The following UNC13C variants were observed in gnomAD, a reference collection of about 807,000 sequenced individuals.
UNC13C encodes unc-13 homolog C, also known as protein unc-13 homolog C.
Under a neutral mutation model 245.4 loss-of-function variants are expected in UNC13C, and 174 were observed. The observed-to-expected ratio is 0.71, with a 90% CI of 0.63 to 0.80. The LOEUF (loss-of-function observed/expected upper bound fraction) is 0.80. Among genes scored for constraint, UNC13C ranks in the 30% least tolerant of loss-of-function variants. The pLI, the probability that UNC13C is intolerant of heterozygous loss-of-function variation, is 0.00. For synonymous variants in UNC13C, 992 were observed against 895.1 expected (o/e 1.11, Z -1.93); for missense variants, 2,829 against 2,602.9 (o/e 1.09, Z -1.89).
intron 1 of UNC13C, among the ~76,000 whole-genome samples, chr15:54,006,637 G>T (rs1165626704): frequency 6.6e-6 from 1 of 152,060 alleles, no homozygotes; most frequent in Non-Finnish European, 1.5e-5. Flanking sequence ...TATAAAACAG[G>T]TATAAATCTT....
intron 20 of UNC13C, among the ~76,000 whole-genome samples, chr15:54,496,087 A>G (rs1192975010): frequency 6.6e-6 from 1 of 152,092 alleles, no homozygotes; most frequent in Non-Finnish European, 1.5e-5. Flanking sequence ...CATAAAAATG[A>G]TAAGTATGTG....
intron 2 of UNC13C, among the ~76,000 whole-genome samples, chr15:54,125,881 G>T (rs930097852): frequency 6.6e-6 from 1 of 152,070 alleles, no homozygotes; most frequent in South Asian, 2.1e-4. Flanking sequence ...TGTTTGTATG[G>T]TCTTTTTCCA....
chr15:54,318,493 TTA>T (rs1216885644), intron 13 of UNC13C, among the ~76,000 whole-genome samples: 39 of 151,932 alleles, frequency 2.6e-4, no homozygotes, highest in Admixed American at 2.6e-3. Flanking sequence ...TGAACTTTTT[TTA>T]TATATACCTT....
chr15:54,595,526 A>G (rs1001339783), intron 30 of UNC13C, among the ~76,000 whole-genome samples: 1 of 152,204 alleles, frequency 6.6e-6, no homozygotes, highest in Non-Finnish European at 1.5e-5. Context: ...TAAAATTCAC[A>G]GTGCAAGCCT....
downstream of UNC13C, chr15:54,631,892 T>C (rs1410991584): frequency 1.3e-5 from 2 of 152,236 alleles, no homozygotes; most frequent in South Asian, 2.1e-4. Flanking sequence ...AGTATATCTT[T>C]AACTTCATAA....
chr15:54,450,614 T>G (rs530629195), intron 19 of UNC13C, among the ~76,000 whole-genome samples: 112 of 152,316 alleles, frequency 7.4e-4, no homozygotes, highest in African/African-American at 2.5e-3. Flanking sequence ...GTTAAGACGA[T>G]TGGAAAAGCA....
At chr15:54,031,378 C>T (rs951940225) in intron 2 of UNC13C, among the ~76,000 whole-genome samples, 3 of 152,170 alleles carry the variant, frequency 2.0e-5, no homozygotes, top group Non-Finnish European at 2.9e-5. Context: ...CAGCCGCCAC[C>T]GCGCCTGGCT....
At chr15:53,979,830 A>G (rs1338491735) in intron 1 of UNC13C, among the ~76,000 whole-genome samples, 1 of 152,208 alleles carries the variant, frequency 6.6e-6, no homozygotes, top group Non-Finnish European at 1.5e-5. Flanking sequence ...GAAATTAATA[A>G]AAAACTTAAT....
chr15:54,274,319 A>T (rs2036771787), intron 10 of UNC13C, among the ~76,000 whole-genome samples: 1 of 152,242 alleles, frequency 6.6e-6, no homozygotes, highest in Admixed American at 6.5e-5. Flanking sequence ...GCAAGGAAGA[A>T]ATATCTAAAA....
At chr15:54,450,428 G>A (rs1311771437) in intron 19 of UNC13C, among the ~76,000 whole-genome samples, 3 of 152,360 alleles carry the variant, frequency 2.0e-5, no homozygotes, top group East Asian at 3.9e-4. Context: ...CCCAGTTCCA[G>A]CTTCCTGGCT....
At chr15:54,303,233 G>A (rs554726143) in intron 13 of UNC13C, among the ~76,000 whole-genome samples, 3 of 152,064 alleles carry the variant, frequency 2.0e-5, no homozygotes, top group Non-Finnish European at 4.4e-5. Context: ...TTTGACATCT[G>A]TTCCATCCCA....
intron 19 of UNC13C, among the ~76,000 whole-genome samples, chr15:54,451,588 C>T (rs946927116): frequency 1.3e-5 from 2 of 151,986 alleles, no homozygotes; most frequent in African/African-American, 4.8e-5. Flanking sequence ...TCAATGTATT[C>T]TTCAGTTCCA....
intron 15 of UNC13C, among the ~76,000 whole-genome samples, 167 bp from the exon 16 acceptor site, chr15:54,333,600 G>C (rs142453856): frequency 6.6e-6 from 1 of 151,920 alleles, no homozygotes; most frequent in Non-Finnish European, 1.5e-5. Context: ...AATTGTTTAC[G>C]TTCTATAATG....
At chr15:54,449,374 C>T (rs1370523135) in intron 19 of UNC13C, among the ~76,000 whole-genome samples, 1 of 152,154 alleles carries the variant, frequency 6.6e-6, no homozygotes, top group African/African-American at 2.4e-5. Flanking sequence ...CAGTGTTTTC[C>T]AACTTGGTTC....
chr15:53,908,752 C>CAAA, the UNC13C span, among the ~76,000 whole-genome samples: 49,869 of 88,114 alleles, frequency 0.57, 15,515 homozygotes, highest in East Asian at 0.65. Context: ...AACCTTTCTC[C>CAAA]AAAAAAAAAA....
intron 2 of UNC13C, among the ~76,000 whole-genome samples, chr15:54,059,557 T>A (rs573546307): frequency 9.4e-4 from 143 of 152,304 alleles, no homozygotes; most frequent in African/African-American, 3.3e-3. Context: ...ATTTACAGAT[T>A]CAATGCCATC....
intron 20 of UNC13C, among the ~76,000 whole-genome samples, 167 bp downstream of exon 20, chr15:54,494,901 A>G (rs1382004490): frequency 6.6e-6 from 1 of 152,014 alleles, no homozygotes; most frequent in African/African-American, 2.4e-5. Context: ...TGGGAACCAT[A>G]TTTAATTGAA....
At chr15:54,125,295 C>G (rs939971058) in intron 2 of UNC13C, among the ~76,000 whole-genome samples, 2 of 152,038 alleles carry the variant, frequency 1.3e-5, no homozygotes, top group Non-Finnish European at 2.9e-5. Context: ...AAACTTGTCT[C>G]TAATAAAAAT....
rs1355738786 is a variant in UNC13C at position 54,038,122 on chromosome 15, A to ATTTTTTTTT, written c.2983+22237_2983+22238insTTTTTTTTT. On this transcript the variant is annotated intron_variant, in intron 2 of 32. Coordinates refer to ENST00000260323, the MANE Select transcript of UNC13C (RefSeq NM_001080534.3). ...TACATATATATATATATATATATAT[A>ATTTTTTTTT]TATTTTTTTTTTTTTTTTCCTGAGA... Among the ~76,000 whole-genome samples, 315 of 50,234 alleles carry ATTTTTTTTT rather than the reference A, an allele frequency of 6.3e-3. 2 individuals carry two copies. Among genetic ancestry groups the ATTTTTTTTT allele is most frequent in the Middle Eastern group, 0.016 (1 of 62 alleles). 33.0% of individuals were successfully genotyped at this position (50,234 alleles called of 152,430 possible). A position where few individuals can be genotyped will look rare whatever the true frequency, so the allele number is the denominator to read the frequency against.
Sources: gnomAD v4.1 joint callset for allele counts (sites outside exome capture counted in the v4.1 genomes callset) on GRCh38, gnomAD v4.1.1 for gene constraint, MANE v1.5 for transcripts, NCBI Gene and HGNC (gene_info 2026-07-23, HGNC 2026-07-21) for gene names.